Variants in BPTF observed in about 807,000 individuals in gnomAD.
BPTF encodes nucleosome-remodeling factor subunit BPTF.
In BPTF, 18 loss-of-function variants were observed where a neutral mutation model predicts 292.5. That is an observed-to-expected ratio of 0.06 (90% CI 0.04 to 0.09). The LOEUF is 0.09. Among genes scored for constraint, BPTF ranks in the 10% least tolerant of loss-of-function variants. The pLI, the probability that BPTF is intolerant of heterozygous loss-of-function variation, is 1.00. For synonymous variants in BPTF, 1,225 were observed against 1,251.9 expected (o/e 0.98, Z 0.45); for missense variants, 2,726 against 3,498.7 (o/e 0.78, Z 5.57).
At chr17:67,979,987 G>A (rs1416867155) in intron 27 of BPTF, among the ~76,000 whole-genome samples, 4 of 151,988 alleles carry the variant, frequency 2.6e-5, no homozygotes, top group Non-Finnish European at 4.4e-5. Flanking sequence ...GTTGCAGATC[G>A]CACCACTACA....
At chr17:67,909,553 G>A (rs199614407) in intron 9 of BPTF, 29 bp from the exon 10 acceptor site, 29 of 1,434,216 alleles carry the variant, frequency 2.0e-5, no homozygotes, top group East Asian at 9.5e-5. Flanking sequence ...TGGAAATAAC[G>A]TAAATTATCG....
At chr17:67,969,445 C>CT (rs1368706370) in intron 26 of BPTF, among the ~76,000 whole-genome samples, 20 of 88,200 alleles carry the variant, frequency 2.3e-4, no homozygotes, top group Non-Finnish European at 3.8e-4. Flanking sequence ...GAGAAAAACT[C>CT]TGTCTCCAAA....
chr17:67,942,168 TAGTC>T (rs1555672224), intron 19 of BPTF, among the ~76,000 whole-genome samples: 1 of 151,846 alleles, frequency 6.6e-6, no homozygotes, highest in African/African-American at 2.4e-5. Flanking sequence ...ATACAAAAAT[TAGTC>T]AGGCGTGGTG....
chr17:67,842,833 A>AT, intron 1 of BPTF, among the ~76,000 whole-genome samples: 1 of 150,806 alleles, frequency 6.6e-6, no homozygotes, highest in South Asian at 2.1e-4. Flanking sequence ...AAAAAAAAAA[A>AT]AAAAAAGACA....
intron 19 of BPTF, 45 bp from the exon 20 acceptor site, chr17:67,944,101 TACAG>T: frequency 7.3e-7 from 1 of 1,365,332 alleles, no homozygotes; most frequent in Middle Eastern, 1.8e-4. Context: ...ATGATATACA[TACAG>T]ATTGATGCTT....
chr17:67,839,736 G>A (rs992266339), intron 1 of BPTF, among the ~76,000 whole-genome samples: 1 of 152,142 alleles, frequency 6.6e-6, no homozygotes. Context: ...TGGCAACTAT[G>A]AATAAAGTTG....
At chr17:67,892,268 A>G (rs1226507514) in intron 5 of BPTF, among the ~76,000 whole-genome samples, 1 of 152,252 alleles carries the variant, frequency 6.6e-6, no homozygotes, top group Non-Finnish European at 1.5e-5. Context: ...TGGCTGATAC[A>G]CTTTCTTACT....
intron 26 of BPTF, among the ~76,000 whole-genome samples, chr17:67,971,827 C>CAA (rs575119720): frequency 0.075 from 6,246 of 83,192 alleles, 200 homozygotes; most frequent in Non-Finnish European, 0.099. Context: ...GACTCCATCT[C>CAA]AAAAAAAAAA....
chr17:67,843,053 G>C (rs2057686150), intron 1 of BPTF, among the ~76,000 whole-genome samples: 1 of 150,916 alleles, frequency 6.6e-6, no homozygotes. Flanking sequence ...TTATAACACT[G>C]GTGAGACTTT....
Position 67,918,725 on chromosome 17 carries a change from A to G in BPTF, c.5315A>G (p.Gln1772Arg). 1 of 1,613,252 alleles carries G rather than the reference A, an allele frequency of 6.2e-7. No individual in the cohort carries two copies. Among genetic ancestry groups the G allele is most frequent in the East Asian group, 2.2e-5 (1 of 44,822 alleles). ...TFGITWRYRLQTVKSLAGVSL... is the reference protein window; with the variant it reads ...TFGITWRYRLRTVKSLAGVSL... ...GGTTTTCCTTTCAGGTATAGACTTC[A>G]GACAGTAAAGTCCTTAGCTGGAGTG... The change falls in exon 12 of 28, where the codon CAG (glutamine) becomes CGG (arginine). Residue 1772 changes from glutamine to arginine, a missense_variant. By Grantham distance (43) the Gln-to-Arg change is conservative. Transcript: ENST00000306378.
At chr17:67,909,784 G>A in intron 10 of BPTF, 23 bp downstream of exon 10, 1 of 1,513,088 alleles carries the variant, frequency 6.6e-7, no homozygotes, top group Non-Finnish European at 8.8e-7. Flanking sequence ...AGCTGTGGAG[G>A]GCAGCCTGGG....
Position 67,825,699 on chromosome 17 carries a change from C to T in BPTF, c.-26C>T, listed in dbSNP as rs1181314785. On this transcript the variant is annotated 5_prime_UTR_variant, in exon 1 of 28. Transcript: ENST00000306378. ...GCGCCCGCCCCTCCCCCTTCGCTTT[C>T]CTTCTCCCCCCGCCTCGGCTCCGAC... 9 of 645,558 alleles carry T rather than the reference C, an allele frequency of 1.4e-5. No homozygotes were observed. Among genetic ancestry groups the T allele is most frequent in the Admixed American group, 1.3e-4 (2 of 15,180 alleles). The allele number at this position is 645,558 out of a possible 1,614,324, so 40.0% of individuals were successfully genotyped here. A position where few individuals can be genotyped will look rare whatever the true frequency, so the allele number is the denominator to read the frequency against.
Position 67,913,082 on chromosome 17 carries a change from G to A in BPTF, c.5198G>A (p.Arg1733Gln), listed in dbSNP as rs2062753533. 3 of 1,613,970 alleles carry A rather than the reference G, an allele frequency of 1.9e-6. No homozygotes were observed. Among genetic ancestry groups the A allele is most frequent in the Middle Eastern group, 1.6e-4 (1 of 6,084 alleles). ...AATGATGACTTAAAAAAGTTGGCCCGAAAAGGAGGAATCCGAGAGGTCCCT... is the reference window on the plus strand; with the variant it reads ...AATGATGACTTAAAAAAGTTGGCCCAAAAAGGAGGAATCCGAGAGGTCCCT... ...LPNDDLKKLA[R>Q]KGGIREVPYF... Residue 1733 changes from arginine to glutamine, a missense_variant, in exon 11 of 28, where the codon CGA (arginine) becomes CAA (glutamine). Around this residue, in one of 22 missense-constraint regions of BPTF, gnomAD observed 24 missense variants for 57.5 expected, o/e 0.42. Coordinates refer to ENST00000306378, the MANE Select transcript of BPTF (RefSeq NM_182641.4).
At chr17:67,963,844 C>T (rs1452484082) in intron 24 of BPTF, among the ~76,000 whole-genome samples, 3 of 152,138 alleles carry the variant, frequency 2.0e-5, no homozygotes, top group African/African-American at 7.2e-5. Context: ...GTTAGAAAAA[C>T]ACTAATTTGG....
chr17:67,942,313 AAAAG>A (rs2065438613), intron 19 of BPTF, among the ~76,000 whole-genome samples: 1 of 27,678 alleles, frequency 3.6e-5, no homozygotes, highest in Admixed American at 6.0e-4. Flanking sequence ...CGTCTCAAAA[AAAAG>A]AAAAACAAAA....
intron 2 of BPTF, among the ~76,000 whole-genome samples, chr17:67,857,982 T>G (rs1221302842): frequency 6.6e-6 from 1 of 151,320 alleles, no homozygotes; most frequent in East Asian, 2.0e-4. Context: ...GAGATGGGGT[T>G]TCACCATATT....
At chr17:67,914,260 GA>G (rs1037063086) in intron 11 of BPTF, among the ~76,000 whole-genome samples, 2 of 151,210 alleles carry the variant, frequency 1.3e-5, no homozygotes, top group Non-Finnish European at 2.9e-5. Flanking sequence ...CAATCAGCTA[GA>G]AAAAAAAGTA....
chr17:67,857,583 C>T (rs867702059), intron 2 of BPTF, among the ~76,000 whole-genome samples: 41 of 151,440 alleles, frequency 2.7e-4, no homozygotes, highest in Middle Eastern at 3.4e-3. Flanking sequence ...CCTCCTGCTT[C>T]AGCCCACCAA....
chr17:67,862,194 T>C (rs533189750), intron 2 of BPTF, among the ~76,000 whole-genome samples: 1 of 152,314 alleles, frequency 6.6e-6, no homozygotes, highest in South Asian at 2.1e-4. Flanking sequence ...CAGTCTGGTT[T>C]TGGACTCCCG....
Sources: gnomAD v4.1 joint callset for allele counts (sites outside exome capture counted in the v4.1 genomes callset) on GRCh38, gnomAD v4.1.1 for gene constraint, gnomAD v4.1.1 regional missense constraint, MANE v1.5 for transcripts, NCBI Gene and HGNC (gene_info 2026-07-23, HGNC 2026-07-21) for gene names.